USP31: variants seen among roughly 807,000 people sequenced by gnomAD.
USP31 encodes ubiquitin specific peptidase 31, also known as ubiquitin carboxyl-terminal hydrolase 31.
A neutral mutation model predicts 119.4 loss-of-function variants in USP31; 44 were observed. That is an observed-to-expected ratio of 0.37 (90% CI 0.29 to 0.47). The LOEUF is 0.47. Among genes scored for constraint, USP31 ranks in the 20% least tolerant of loss-of-function variants. USP31 has a pLI of 0.99. For synonymous variants in USP31, 749 were observed against 705.6 expected, an observed-to-expected ratio of 1.06 and a Z score of -0.97; for missense variants, 1,643 against 1,730.2, an observed-to-expected ratio of 0.95 and a Z score of 0.89.
intron 1 of USP31, among the ~76,000 whole-genome samples, chr16:23,135,582 C>T (rs1903164412): frequency 6.6e-6 from 1 of 151,558 alleles, no homozygotes; most frequent in African/African-American, 2.4e-5. Context: ...ATTCCATTTA[C>T]AATAGCATCA....
At chr16:23,084,322 C>T (rs950368331) in intron 11 of USP31, among the ~76,000 whole-genome samples, 14 of 152,196 alleles carry the variant, frequency 9.2e-5, no homozygotes, top group African/African-American at 3.1e-4. Context: ...CTACTACCTG[C>T]GAAGCCTTGC....
Position 23,146,392 on chromosome 16 carries a change from C to T in USP31, c.633+2246G>A, listed in dbSNP as rs183506477. 2.7e-3 allele frequency among the ~76,000 whole-genome samples: 417 copies of T among 152,088 alleles called. 1 individual carries two copies. The highest frequency in any genetic ancestry group is 9.4e-3 in the African/African-American group (391 of 41,468). On this transcript the variant is annotated intron_variant, in intron 1 of 15. Transcript: ENST00000219689. ...GATCAAAAATTAACTGGGCATGTAG[C>T]GGGCGCCTGTAGTCCCAGCTACCTG...
intron 15 of USP31, 72 bp from the exon 16 acceptor site, chr16:23,069,688 A>G (rs907798859): frequency 2.7e-6 from 4 of 1,505,678 alleles, no homozygotes; most frequent in Middle Eastern, 4.0e-4. Flanking sequence ...AAGACACTGA[A>G]GGTGAAACGA....
chr16:23,071,632 A>G (rs552354590), intron 15 of USP31, among the ~76,000 whole-genome samples: 1 of 152,310 alleles, frequency 6.6e-6, no homozygotes, highest in South Asian at 2.1e-4. Context: ...TCCTGGGGCC[A>G]AGAGAGCCAG....
intron 1 of USP31, among the ~76,000 whole-genome samples, chr16:23,126,450 T>G (rs1282765469): frequency 7.0e-6 from 1 of 141,944 alleles, no homozygotes; most frequent in South Asian, 2.3e-4. Flanking sequence ...TGGTGAAACC[T>G]CGTCTCTACT....
chr16:23,093,750 T>C (rs986278868), intron 6 of USP31, among the ~76,000 whole-genome samples: 1 of 152,204 alleles, frequency 6.6e-6, no homozygotes, highest in Non-Finnish European at 1.5e-5. Context: ...GTAGGACTAT[T>C]CATAATAGAC....
At chr16:23,096,677 G>A (rs922817244) in intron 6 of USP31, among the ~76,000 whole-genome samples, 1 of 152,130 alleles carries the variant, frequency 6.6e-6, no homozygotes, top group African/African-American at 2.4e-5. Context: ...TTAGAACTCA[G>A]GATTAAGAAA....
At chr16:23,120,424 G>C (rs1004974786) in intron 1 of USP31, among the ~76,000 whole-genome samples, 7 of 152,340 alleles carry the variant, frequency 4.6e-5, no homozygotes, top group African/African-American at 1.4e-4. Flanking sequence ...ACAAGAGACA[G>C]ACCTATGGAG....
chr16:23,062,011 T>C lies in USP31; in HGVS notation c.*6035A>G, dbSNP rs574814855. The C allele has an allele frequency of 4.6e-5, 7 of 152,790 alleles. No individual in the cohort carries two copies. The South Asian group carries it at 1.0e-3, about 23-fold the overall frequency. 9.5% of individuals were successfully genotyped at this position (152,790 alleles called of 1,614,324 possible). ...ATTTGGTATGACACCACACCGTTTATAATAGCACCTAGGAAATTTCATATT... is the reference window on the plus strand; with the variant it reads ...ATTTGGTATGACACCACACCGTTTACAATAGCACCTAGGAAATTTCATATT... On this transcript the variant is annotated 3_prime_UTR_variant, in exon 16 of 16. Coordinates refer to ENST00000219689, the MANE Select transcript of USP31 (RefSeq NM_020718.4).
intron 6 of USP31, among the ~76,000 whole-genome samples, chr16:23,091,208 T>G (rs1160874564): frequency 6.6e-6 from 1 of 152,194 alleles, no homozygotes; most frequent in African/African-American, 2.4e-5. Flanking sequence ...TTCTCCCTGA[T>G]TAAAGAGCCA....
intron 1 of USP31, among the ~76,000 whole-genome samples, chr16:23,134,687 A>G (rs960273462): frequency 1.5e-4 from 22 of 151,682 alleles, no homozygotes; most frequent in Non-Finnish European, 2.1e-4. Flanking sequence ...AAAAAAAAAA[A>G]AAAGAAAGAA....
At chr16:23,121,690 AAACAAT>A in intron 1 of USP31, among the ~76,000 whole-genome samples, 1 of 152,260 alleles carries the variant, frequency 6.6e-6, no homozygotes. Context: ...ATGCAAATTA[AAACAAT>A]GAAATGCTAT....
intron 1 of USP31, among the ~76,000 whole-genome samples, chr16:23,139,918 A>G (rs961954155): frequency 6.6e-6 from 1 of 152,144 alleles, no homozygotes; most frequent in Non-Finnish European, 1.5e-5. Flanking sequence ...CTGAAACCTC[A>G]GTATTCCCTT....
chr16:23,093,539 G>A (rs1759286067), intron 6 of USP31, among the ~76,000 whole-genome samples: 1 of 152,134 alleles, frequency 6.6e-6, no homozygotes, highest in South Asian at 2.1e-4. Flanking sequence ...ATAAATGTTG[G>A]CAAAGATGTG....
intron 12 of USP31, among the ~76,000 whole-genome samples, chr16:23,082,095 G>A (rs1900856617): frequency 6.6e-6 from 1 of 152,142 alleles, no homozygotes; most frequent in African/African-American, 2.4e-5. Context: ...AGCTTCTCAG[G>A]AGCAGAACAC....
At position 23,065,700 on chromosome 16, in the gene USP31, T is replaced by G. The variant is rs974663649; in HGVS notation, c.*2346A>C. ...AAGGGATTTGTAGAAACGTTTTTCCTTTTTTTTTTTAAGTCACTAGACATC... is the reference window on the plus strand; with the variant it reads ...AAGGGATTTGTAGAAACGTTTTTCCGTTTTTTTTTTAAGTCACTAGACATC... On this transcript the variant is annotated 3_prime_UTR_variant, in exon 16 of 16. Transcript: ENST00000219689. 2 of 145,160 alleles carry G rather than the reference T, an allele frequency of 1.4e-5. No homozygotes were observed. Among genetic ancestry groups the G allele is most frequent in the Non-Finnish European group, 3.0e-5 (2 of 65,722 alleles). 9.0% of individuals were successfully genotyped at this position (145,160 alleles called of 1,614,324 possible). A position where few individuals can be genotyped will look rare whatever the true frequency, so the allele number is the denominator to read the frequency against.
intron 7 of USP31, among the ~76,000 whole-genome samples, chr16:23,089,627 T>C (rs965742159): frequency 6.6e-6 from 1 of 152,244 alleles, no homozygotes; most frequent in Non-Finnish European, 1.5e-5. Flanking sequence ...TAAAGGCTAT[T>C]CTAACAAATG....
Position 23,097,189 on chromosome 16 carries a change from T to C in USP31, c.1234+5130A>G, listed in dbSNP as rs138455515. Among the ~76,000 whole-genome samples the C allele has an allele frequency of 5.5e-3, 836 of 152,212 alleles. 14 individuals carry two copies. Among genetic ancestry groups the C allele is most frequent in the African/African-American group, 0.019 (773 of 41,522 alleles). ...CCACTGATCCCACAGAAATACAAAC[T>C]ACCATCAGAGAATACTATAAACACC... On this transcript the variant is annotated intron_variant, in intron 6 of 15. Coordinates refer to ENST00000219689, the MANE Select transcript of USP31 (RefSeq NM_020718.4).
chr16:23,086,340 A>G lies in USP31; in HGVS notation c.1623-678T>C, dbSNP rs1901107575. Among the ~76,000 whole-genome samples the G allele has an allele frequency of 2.0e-5, 3 of 151,972 alleles. 1 individual carries two copies. On this transcript the variant is annotated intron_variant, in intron 9 of 15. Coordinates refer to ENST00000219689, the MANE Select transcript of USP31 (RefSeq NM_020718.4). ...AATATTTGTTGAAAAAATCATTATA[A>G]TAATTTTTATTATAAAAAATTTGAG...
Sources: gnomAD v4.1 joint callset for allele counts (sites outside exome capture counted in the v4.1 genomes callset) on GRCh38, gnomAD v4.1.1 for gene constraint, MANE v1.5 for transcripts, NCBI Gene and HGNC (gene_info 2026-07-23, HGNC 2026-07-21) for gene names.